The following SSBP2 variants were observed in gnomAD, a reference collection of about 807,000 sequenced individuals.
SSBP2 encodes single-stranded DNA-binding protein 2.
A neutral mutation model predicts 61.8 loss-of-function variants in SSBP2; 17 were observed. That is an observed-to-expected ratio of 0.28 (90% confidence interval 0.19 to 0.41). SSBP2 has a LOEUF of 0.41. Ranked by LOEUF, SSBP2 falls within the 10% of genes least tolerant of loss-of-function variation. The pLI is 1.00. For synonymous variants in SSBP2, 139 were observed against 141.3 expected, an observed-to-expected ratio of 0.98 and a Z score of 0.12; for missense variants, 310 against 458.7, an observed-to-expected ratio of 0.68 and a Z score of 2.96.
intron 1 of SSBP2, among the ~76,000 whole-genome samples, chr5:81,748,167 C>T (rs949810723): frequency 6.6e-6 from 1 of 152,062 alleles, no homozygotes; most frequent in Admixed American, 6.5e-5. Flanking sequence ...ATTATAAAAC[C>T]AATGTGCTTA....
chr5:81,447,769 A>G (rs918494676), intron 11 of SSBP2: 1 of 152,188 alleles, frequency 6.6e-6, no homozygotes, highest in East Asian at 1.9e-4. Context: ...TTTTAAATAA[A>G]TGTCTATAAT....
Position 81,481,796 on chromosome 5 carries a change from A to G in SSBP2, c.433-7234T>C, listed in dbSNP as rs950605503. ...TTGGGTATAAGATGTGTTACCAAGG[A>G]GTAGTAAAAAATAAAGGAATCTTTT... On this transcript the variant is annotated intron_variant, in intron 6 of 16. Coordinates refer to ENST00000320672, the MANE Select transcript of SSBP2 (RefSeq NM_012446.5). 4.0e-5 allele frequency among the ~76,000 whole-genome samples: 6 copies of G among 151,638 alleles called. No individual in the cohort carries two copies. In the East Asian group the frequency reaches 1.2e-3, roughly 30 times the overall value.
intron 4 of SSBP2, among the ~76,000 whole-genome samples, chr5:81,567,316 G>GA (rs1180371248): frequency 1.3e-5 from 2 of 152,232 alleles, no homozygotes; most frequent in African/African-American, 4.8e-5. Flanking sequence ...AGCCATGGCT[G>GA]AAAGGGACTA....
At position 81,493,291 on chromosome 5, in the gene SSBP2, TAGA is replaced by T. The variant is rs1561465932; in HGVS notation, c.373-3985_373-3983del. Among the ~76,000 whole-genome samples, 264 of 150,136 alleles carry T rather than the reference TAGA, an allele frequency of 1.8e-3. 2 individuals are homozygous for T. The highest frequency in any genetic ancestry group is 6.4e-3 in the African/African-American group (256 of 39,896). ...ATAGATAGATAGATAGATAGATAGA[TAGA>T]TAGATAGATTAACAGGGTCTTGCTC... On this transcript the variant is annotated intron_variant, in intron 5 of 16. Transcript: ENST00000320672.
At chr5:81,684,661 C>T (rs1752635541) in intron 1 of SSBP2, among the ~76,000 whole-genome samples, 1 of 152,000 alleles carries the variant, frequency 6.6e-6, no homozygotes, top group Non-Finnish European at 1.5e-5. Context: ...GCCAATTTCT[C>T]CCATTTGGAA....
At chr5:81,751,291 A>G, upstream of SSBP2, 1 of 468,328 alleles carries the variant, frequency 2.1e-6, no homozygotes, top group East Asian at 3.4e-5. Flanking sequence ...TCCCTCCCCG[A>G]CTCCCTCCCT....
At chr5:81,442,450 T>TA (rs562733405) in intron 13 of SSBP2, among the ~76,000 whole-genome samples, 50 of 152,104 alleles carry the variant, frequency 3.3e-4, no homozygotes, top group Non-Finnish European at 6.8e-4. Flanking sequence ...GTTTTACTTT[T>TA]AAATTATATT....
intron 4 of SSBP2, among the ~76,000 whole-genome samples, chr5:81,576,904 T>C (rs1481470694): frequency 1.3e-5 from 2 of 152,044 alleles, no homozygotes; most frequent in Non-Finnish European, 2.9e-5. Context: ...AAAAAGTATA[T>C]AGTTTTAGTT....
chr5:81,699,524 T>C (rs1451006245), intron 1 of SSBP2, among the ~76,000 whole-genome samples: 1 of 152,188 alleles, frequency 6.6e-6, no homozygotes, highest in Non-Finnish European at 1.5e-5. Flanking sequence ...AAGAAATAAC[T>C]CCTCATCCAT....
intron 1 of SSBP2, among the ~76,000 whole-genome samples, chr5:81,700,841 A>G (rs1753932263): frequency 6.6e-6 from 1 of 152,218 alleles, no homozygotes; most frequent in African/African-American, 2.4e-5. Flanking sequence ...CACAAACTGA[A>G]GAGTTAGGAT....
chr5:81,723,783 G>T (rs983043214), intron 1 of SSBP2, among the ~76,000 whole-genome samples: 1 of 151,860 alleles, frequency 6.6e-6, no homozygotes, highest in Non-Finnish European at 1.5e-5. Context: ...ACCAGACACG[G>T]TATATATCAT....
At chr5:81,750,508 C>T (rs1394127647) in intron 1 of SSBP2, among the ~76,000 whole-genome samples, 2 of 147,038 alleles carry the variant, frequency 1.4e-5, no homozygotes, top group Admixed American at 6.7e-5. Context: ...CGCCGCGCTC[C>T]CCGCGCTGCC....
At chr5:81,542,659 C>T (rs1274314175) in intron 4 of SSBP2, among the ~76,000 whole-genome samples, 4 of 151,912 alleles carry the variant, frequency 2.6e-5, no homozygotes, top group African/African-American at 7.3e-5. Flanking sequence ...GCTGTGTCCT[C>T]ACCCAAATCT....
intron 3 of SSBP2, among the ~76,000 whole-genome samples, chr5:81,635,436 C>A (rs1421019963): frequency 6.6e-6 from 1 of 152,064 alleles, no homozygotes; most frequent in East Asian, 1.9e-4. Context: ...ATAAAAGATG[C>A]CAATCAGATT....
At chr5:81,707,807 C>T (rs914562478) in intron 1 of SSBP2, among the ~76,000 whole-genome samples, 8 of 152,096 alleles carry the variant, frequency 5.3e-5, no homozygotes, top group African/African-American at 1.9e-4. Context: ...TTAACCATAC[C>T]TCTTTCAGGT....
At chr5:81,448,953 A>C (rs1047167529) in intron 10 of SSBP2, 128 bp from the exon 11 acceptor site, 27 of 698,010 alleles carry the variant, frequency 3.9e-5, no homozygotes, top group Middle Eastern at 6.7e-4. Flanking sequence ...AAAGGATAAA[A>C]AAATTTGTAT....
At chr5:81,578,624 G>A (rs1774410891) in intron 4 of SSBP2, among the ~76,000 whole-genome samples, 1 of 151,746 alleles carries the variant, frequency 6.6e-6, no homozygotes, top group South Asian at 2.1e-4. Context: ...TGATAAAAAA[G>A]ATAGTGATTA....
chr5:81,612,259 C>T (rs1305347930), intron 4 of SSBP2, among the ~76,000 whole-genome samples: 4 of 152,052 alleles, frequency 2.6e-5, no homozygotes, highest in African/African-American at 9.6e-5. Context: ...ATACAAAAAA[C>T]AACAGATGTC....
In SSBP2 at chr5:81,432,475, G is replaced by A. The variant is rs185353055; in HGVS notation, c.958-3792C>T. 2.0e-3 allele frequency among the ~76,000 whole-genome samples: 300 copies of A among 152,244 alleles called. 1 individual carries two copies. Among genetic ancestry groups the A allele is most frequent in the African/African-American group, 6.3e-3 (261 of 41,552 alleles). On this transcript the variant is annotated intron_variant, in intron 15 of 16. Coordinates refer to ENST00000320672, the MANE Select transcript of SSBP2 (RefSeq NM_012446.5). ...CTAAGAAAACAAACCGGCCGGGCACGGTGGCTCATGCCTGTAATCCCAGCA... is the reference window on the plus strand; with the variant it reads ...CTAAGAAAACAAACCGGCCGGGCACAGTGGCTCATGCCTGTAATCCCAGCA...
Sources: gnomAD v4.1 joint callset for allele counts (sites outside exome capture counted in the v4.1 genomes callset) on GRCh38, gnomAD v4.1.1 for gene constraint, MANE v1.5 for transcripts, NCBI Gene and HGNC (gene_info 2026-07-23, HGNC 2026-07-21) for gene names.